The following CCDC149 variants were observed in gnomAD, a reference collection of about 807,000 sequenced individuals.
CCDC149 encodes coiled-coil domain-containing protein 149.
Under a neutral mutation model 59.9 loss-of-function variants are expected in CCDC149, and 45 were observed. The observed-to-expected ratio is 0.75, with a 90% CI of 0.59 to 0.96. The LOEUF is 0.96. Among genes scored for constraint, CCDC149 ranks in the 40% least tolerant of loss-of-function variants. CCDC149 has a pLI of 0.00. For synonymous variants in CCDC149, 245 were observed against 260.6 expected (o/e 0.94, Z 0.58); for missense variants, 584 against 664.7 (o/e 0.88, Z 1.33).
intron 12 of CCDC149, among the ~76,000 whole-genome samples, chr4:24,818,210 T>C (rs967813154): frequency 6.6e-6 from 1 of 152,068 alleles, no homozygotes; most frequent in Non-Finnish European, 1.5e-5. Flanking sequence ...CAGTGGTTGA[T>C]GGCTCCAAGG....
intron 1 of CCDC149, among the ~76,000 whole-genome samples, chr4:24,920,046 C>A (rs1344585758): frequency 6.6e-6 from 1 of 152,158 alleles, no homozygotes; most frequent in African/African-American, 2.4e-5. Flanking sequence ...CTTTCGATTC[C>A]CATGTCCTGG....
intron 4 of CCDC149, 84 bp from the exon 5 acceptor site, chr4:24,838,356 T>C (rs1716687209): frequency 2.1e-6 from 2 of 951,824 alleles, no homozygotes; most frequent in South Asian, 2.7e-5. Context: ...AAGAAACTTT[T>C]GGAAGATAAG....
rs1278699864 is a variant in CCDC149 at position 24,807,879 on chromosome 4, C to T, written c.*510G>A. On this transcript the variant is annotated 3_prime_UTR_variant, in exon 13 of 13. Coordinates refer to ENST00000635206, the MANE Select transcript of CCDC149 (RefSeq NM_001330643.2). ...CCAAGCACACCCATGCCAGGCAGTCCTCCTGGGCCCTGACTTGATGGGGTG... is the reference window on the plus strand; with the variant it reads ...CCAAGCACACCCATGCCAGGCAGTCTTCCTGGGCCCTGACTTGATGGGGTG... 1 of 152,346 alleles carries T rather than the reference C, an allele frequency of 6.6e-6. No homozygotes were observed. The highest frequency in any genetic ancestry group is 1.5e-5 in the Non-Finnish European group (1 of 68,160). The allele number at this position is 152,346 out of a possible 1,614,324, so 9.4% of individuals were successfully genotyped here.
chr4:24,958,712 T>C (rs1264595277), intron 1 of CCDC149, among the ~76,000 whole-genome samples: 4 of 152,042 alleles, frequency 2.6e-5, no homozygotes, highest in African/African-American at 4.8e-5. Context: ...GGCATAGCTA[T>C]AGAAAGTATC....
chr4:24,912,947 C>A lies in CCDC149; in HGVS notation c.-68G>T. Reference sequence around the variant, plus strand: ...GCGACGTCGCGTCGCCGCCGCCGCCCGGGCCCCGCGCGGCCCCGAGAGGGC... The same window carrying A: ...GCGACGTCGCGTCGCCGCCGCCGCCAGGGCCCCGCGCGGCCCCGAGAGGGC... On this transcript the variant is annotated 5_prime_UTR_variant, in exon 1 of 13. Transcript: ENST00000635206. 1 of 950,830 alleles carries A rather than the reference C, an allele frequency of 1.1e-6. No individual in the cohort carries two copies. Among genetic ancestry groups the A allele is most frequent in the Non-Finnish European group, 1.3e-6 (1 of 741,760 alleles). 58.9% of individuals were successfully genotyped at this position (950,830 alleles called of 1,614,324 possible).
Position 24,951,148 on chromosome 4 carries a change from C to T in CCDC149, c.-65+28921G>A, listed in dbSNP as rs548373710. On this transcript the variant is annotated intron_variant, in intron 1 of 12. Coordinates refer to the CCDC149 transcript ENST00000389609. ...TTCCGTGGGTGCCCAGGCTGTCACC[C>T]GGGCTGCAGGCAGCAAGTGACAGAT... Among the ~76,000 whole-genome samples the T allele has an allele frequency of 3.7e-3, 561 of 152,320 alleles. 2 individuals carry two copies. The highest frequency in any genetic ancestry group is 9.6e-3 in the Admixed American group (147 of 15,304).
At chr4:24,873,108 G>A (rs1216812130) in intron 3 of CCDC149, among the ~76,000 whole-genome samples, 1 of 150,352 alleles carries the variant, frequency 6.7e-6, no homozygotes, top group East Asian at 2.0e-4. Flanking sequence ...CCAACAAATG[G>A]TATGCACCCA....
At chr4:24,884,907 T>C (rs1390989099) in intron 1 of CCDC149, among the ~76,000 whole-genome samples, 1 of 152,152 alleles carries the variant, frequency 6.6e-6, no homozygotes, top group Non-Finnish European at 1.5e-5. Flanking sequence ...AATGTGGTAT[T>C]TGAAATCGAT....
At chr4:24,949,090 C>G (rs1723201301) in intron 1 of CCDC149, among the ~76,000 whole-genome samples, 1 of 152,168 alleles carries the variant, frequency 6.6e-6, no homozygotes, top group Non-Finnish European at 1.5e-5. Flanking sequence ...TCCCCTAATC[C>G]TGCCCATTCA....
At chr4:24,858,260 G>A (rs1240430731) in intron 3 of CCDC149, among the ~76,000 whole-genome samples, 1 of 152,196 alleles carries the variant, frequency 6.6e-6, no homozygotes, top group African/African-American at 2.4e-5. Context: ...CTATGTAAAG[G>A]AAATGTCAGG....
At chr4:24,897,964 G>C (rs4697493) in intron 1 of CCDC149, among the ~76,000 whole-genome samples, 2 of 152,160 alleles carry the variant, frequency 1.3e-5, no homozygotes, top group Non-Finnish European at 2.9e-5. Flanking sequence ...GAGCAAATTA[G>C]AAAGCAAATT....
At chr4:24,917,670 G>A (rs575015235), upstream of CCDC149, among the ~76,000 whole-genome samples, 1 of 152,222 alleles carries the variant, frequency 6.6e-6, no homozygotes, top group African/African-American at 2.4e-5. Context: ...CGGTGGGGTG[G>A]GGAGAAACCC....
chr4:24,823,712 C>T (rs926335023), intron 9 of CCDC149, among the ~76,000 whole-genome samples: 1 of 152,172 alleles, frequency 6.6e-6, no homozygotes, highest in African/African-American at 2.4e-5. Context: ...CCTTGTTTTA[C>T]CTGAATTGAC....
chr4:24,912,886 G>T lies in CCDC149; in HGVS notation c.-7C>A, dbSNP rs1320088958. Reference sequence around the variant, plus strand: ...TCATGGCCTCCTCCTCCATGCGCTGGCCGGCCTCCTGGACCCCCGCCGCCT... The same window carrying T: ...TCATGGCCTCCTCCTCCATGCGCTGTCCGGCCTCCTGGACCCCCGCCGCCT... On this transcript the variant is annotated 5_prime_UTR_variant, in exon 1 of 13. Coordinates refer to ENST00000635206, the MANE Select transcript of CCDC149 (RefSeq NM_001330643.2). The T allele has an allele frequency of 1.5e-6, 2 of 1,348,236 alleles. No individual in the cohort carries two copies. Among genetic ancestry groups the T allele is most frequent in the Non-Finnish European group, 1.9e-6 (2 of 1,033,692 alleles). 83.5% of individuals were successfully genotyped at this position (1,348,236 alleles called of 1,614,324 possible).
In CCDC149 at chr4:24,971,485, C is replaced by T. The variant is rs536234347; in HGVS notation, c.-65+8584G>A. 9.2e-5 allele frequency among the ~76,000 whole-genome samples: 14 copies of T among 152,362 alleles called. No homozygotes were observed. In the South Asian group the frequency reaches 2.3e-3, roughly 25 times the overall value. On this transcript the variant is annotated intron_variant, in intron 1 of 12. Transcript: ENST00000389609. The stretch of plus-strand genomic sequence containing the variant: ...TTATGCAACCTTGCCACATGAGGCA[C>T]GTTAGGTGGTCACCCACATGAGCTT...
intron 9 of CCDC149, chr4:24,831,300 T>C (rs1010084766): frequency 5.3e-6 from 3 of 571,100 alleles, no homozygotes; most frequent in Non-Finnish European, 9.4e-6. Context: ...GTATGGCTGG[T>C]ACCCTTTCCT....
At chr4:24,862,766 C>T (rs1304219758) in intron 3 of CCDC149, among the ~76,000 whole-genome samples, 1 of 152,202 alleles carries the variant, frequency 6.6e-6, no homozygotes, top group Non-Finnish European at 1.5e-5. Flanking sequence ...CACAATTCGT[C>T]ATCACTCAAA....
intron 1 of CCDC149, among the ~76,000 whole-genome samples, chr4:24,939,604 A>C (rs1374319428): frequency 6.6e-6 from 1 of 152,210 alleles, no homozygotes; most frequent in Non-Finnish European, 1.5e-5. Context: ...TCTGAGCTAA[A>C]GGAGGAAGTT....
At chr4:24,833,504 G>C (rs182691638) in intron 8 of CCDC149, among the ~76,000 whole-genome samples, 5 of 152,168 alleles carry the variant, frequency 3.3e-5, no homozygotes, top group African/African-American at 1.2e-4. Context: ...CACGCCTGTA[G>C]TCCCAGCTAC....
Sources: allele counts gnomAD v4.1 joint callset (sites outside exome capture counted in the v4.1 genomes callset), GRCh38; gene constraint gnomAD v4.1.1; transcripts MANE v1.5; gene names NCBI Gene and HGNC (gene_info 2026-07-23, HGNC 2026-07-21).